CSMD1: variants seen among roughly 807,000 people sequenced by gnomAD.
CSMD1 encodes CUB and sushi domain-containing protein 1.
A neutral mutation model predicts 417.5 loss-of-function variants in CSMD1; 213 were observed. The observed-to-expected ratio is 0.51, with a 90% confidence interval of 0.46 to 0.57. The LOEUF (loss-of-function observed/expected upper bound fraction) is 0.57. CSMD1 is among the 20% of genes least tolerant of loss of function. The pLI is 0.00. For synonymous variants in CSMD1, 2,862 were observed against 1,736.8 expected (o/e 1.65, Z -16.11); for missense variants, 6,923 against 4,529.7 (o/e 1.53, Z -15.17).
At chr8:3,913,249 C>T (rs1199878580) in intron 5 of CSMD1, among the ~76,000 whole-genome samples, 1 of 152,088 alleles carries the variant, frequency 6.6e-6, no homozygotes, top group Non-Finnish European at 1.5e-5. Flanking sequence ...GAATCCTTGG[C>T]ACGAGAATGA....
intron 12 of CSMD1, among the ~76,000 whole-genome samples, chr8:3,466,536 T>G (rs946947303): frequency 9.9e-5 from 15 of 151,686 alleles, no homozygotes; most frequent in African/African-American, 2.9e-4. Flanking sequence ...CAGCCTCCTG[T>G]GTATCTGGGA....
At chr8:4,438,966 G>A (rs1005527342) in intron 2 of CSMD1, among the ~76,000 whole-genome samples, 1 of 152,202 alleles carries the variant, frequency 6.6e-6, no homozygotes, top group African/African-American at 2.4e-5. Flanking sequence ...GTGAAGTCAT[G>A]AGCGCTTCAT....
In CSMD1 at chr8:3,219,338, A is replaced by G. The variant is rs747343410; in HGVS notation, c.4589T>C (p.Ile1530Thr). 1 of 1,581,204 alleles carries G rather than the reference A, an allele frequency of 6.3e-7. No homozygotes were observed. Among genetic ancestry groups the G allele is most frequent in the Non-Finnish European group, 8.6e-7 (1 of 1,162,602 alleles). Residue 1530 changes from isoleucine to threonine, a missense_variant, in exon 29 of 70, where the codon ATA becomes ACA. By Grantham distance (89) the Ile-to-Thr change is moderately conservative (BLOSUM62 -1). Coordinates refer to ENST00000635120, the MANE Select transcript of CSMD1 (RefSeq NM_033225.6). ...AAACAGGCTGTTTCCGCTACTCTCT[A>G]TTCTTTCTGGGGCCTGAGAGCCCTG... ...SYQGSQAPER[I>T]ESSGNSLFLA...
At chr8:3,544,446 CG>C in intron 10 of CSMD1, among the ~76,000 whole-genome samples, 1 of 152,188 alleles carries the variant, frequency 6.6e-6, no homozygotes, top group Non-Finnish European at 1.5e-5. Context: ...CTCTTACTCT[CG>C]GGAACGCCTT....
At chr8:3,275,715 T>C (rs901936821) in intron 26 of CSMD1, among the ~76,000 whole-genome samples, 1 of 152,234 alleles carries the variant, frequency 6.6e-6, no homozygotes, top group Non-Finnish European at 1.5e-5. Flanking sequence ...TTCCAGTTGA[T>C]CGCATCGGCT....
chr8:3,737,458 T>A (rs1796581468), intron 6 of CSMD1, among the ~76,000 whole-genome samples: 1 of 152,232 alleles, frequency 6.6e-6, no homozygotes, highest in Non-Finnish European at 1.5e-5. Flanking sequence ...AAAAATTAAT[T>A]GTTAAATGCC....
chr8:4,175,941 G>C lies in CSMD1; in HGVS notation c.416-143842C>G, dbSNP rs116360560. Among the ~76,000 whole-genome samples, 816 of 152,216 alleles carry C rather than the reference G, an allele frequency of 5.4e-3. 10 individuals are homozygous for C. Among genetic ancestry groups the C allele is most frequent in the African/African-American group, 0.018 (743 of 41,490 alleles). On this transcript the variant is annotated intron_variant, in intron 3 of 69. Coordinates refer to ENST00000635120, the MANE Select transcript of CSMD1 (RefSeq NM_033225.6). ...GTGTGGTCACTGTGCAGGTGCTGTC[G>C]ACATTGGTGGCATGGGGCAGCTGGG... is the stretch of plus-strand genomic sequence containing the variant.
At chr8:3,706,391 C>A (rs182178430) in intron 7 of CSMD1, among the ~76,000 whole-genome samples, 1 of 152,304 alleles carries the variant, frequency 6.6e-6, no homozygotes, top group South Asian at 2.1e-4. Flanking sequence ...TCTGTCATAC[C>A]TTTCTTTGGA....
At chr8:3,456,241 C>G (rs1816122824) in intron 12 of CSMD1, among the ~76,000 whole-genome samples, 1 of 152,122 alleles carries the variant, frequency 6.6e-6, no homozygotes, top group South Asian at 2.1e-4. Flanking sequence ...AGGGAATTCC[C>G]TGACCGCTTG....
intron 3 of CSMD1, among the ~76,000 whole-genome samples, chr8:4,250,168 G>A (rs1802966322): frequency 6.6e-6 from 1 of 152,160 alleles, no homozygotes. Context: ...CTAGAACTGT[G>A]AACCAATACA....
At chr8:3,682,278 T>C (rs1585068383) in intron 7 of CSMD1, among the ~76,000 whole-genome samples, 1 of 152,122 alleles carries the variant, frequency 6.6e-6, no homozygotes, top group Admixed American at 6.5e-5. Context: ...GATAAAATTT[T>C]TGCAATCTAC....
intron 38 of CSMD1, among the ~76,000 whole-genome samples, chr8:3,160,724 A>G (rs1394432939): frequency 1.3e-5 from 2 of 152,246 alleles, no homozygotes; most frequent in African/African-American, 4.8e-5. Context: ...TTCCTATACT[A>G]AAGTGTGCCA....
chr8:4,224,149 G>A (rs563550233), intron 3 of CSMD1, among the ~76,000 whole-genome samples: 11 of 152,084 alleles, frequency 7.2e-5, no homozygotes, highest in African/African-American at 1.7e-4. Flanking sequence ...ACTTTGTTTC[G>A]CTTACTACAC....
At chr8:4,386,722 G>C (rs945002000) in intron 3 of CSMD1, among the ~76,000 whole-genome samples, 2 of 152,192 alleles carry the variant, frequency 1.3e-5, no homozygotes, top group Admixed American at 6.5e-5. Flanking sequence ...GTAAGGGATA[G>C]CTGGCAGAGA....
intron 5 of CSMD1, among the ~76,000 whole-genome samples, chr8:3,975,804 G>C (rs879633966): frequency 9.2e-5 from 14 of 151,884 alleles, no homozygotes; most frequent in Non-Finnish European, 1.9e-4. Context: ...ACCCATATAG[G>C]TTTATTTTTA....
intron 8 of CSMD1, among the ~76,000 whole-genome samples, chr8:3,611,661 T>G (rs1255541852): frequency 6.6e-6 from 1 of 152,102 alleles, no homozygotes; most frequent in Non-Finnish European, 1.5e-5. Flanking sequence ...CATCATGAGT[T>G]TGACAGTTTT....
chr8:4,582,071 CT>C (rs143519322), intron 2 of CSMD1, among the ~76,000 whole-genome samples: 11,656 of 148,050 alleles, frequency 0.079, 1,002 homozygotes, highest in African/African-American at 0.21. Context: ...TTCCGAGCCT[CT>C]TTTTTTTTTT....
intron 26 of CSMD1, among the ~76,000 whole-genome samples, chr8:3,261,842 C>G (rs187058207): frequency 2.0e-5 from 3 of 151,988 alleles, no homozygotes; most frequent in East Asian, 1.9e-4. Flanking sequence ...CCAGGGATTA[C>G]GAAGGCATGC....
intron 10 of CSMD1, among the ~76,000 whole-genome samples, chr8:3,533,080 A>T (rs1798046942): frequency 6.6e-6 from 1 of 152,198 alleles, no homozygotes; most frequent in Non-Finnish European, 1.5e-5. Context: ...AATTCATCCA[A>T]TGTACCTTTC....
Sources: allele counts gnomAD v4.1 joint callset (sites outside exome capture counted in the v4.1 genomes callset), GRCh38; gene constraint gnomAD v4.1.1; transcripts MANE v1.5; gene names NCBI Gene and HGNC (gene_info 2026-07-23, HGNC 2026-07-21).